The following MTIF2 variants were observed in gnomAD, a reference collection of about 807,000 sequenced individuals.
MTIF2 encodes mitochondrial translational initiation factor 2, also known as translation initiation factor IF-2, mitochondrial.
A neutral mutation model predicts 83.5 loss-of-function variants in MTIF2; 71 were observed. That is an observed-to-expected ratio of 0.85 (90% CI 0.70 to 1.04). The LOEUF (loss-of-function observed/expected upper bound fraction) is 1.04, where lower values mean the gene tolerates loss of function less well. MTIF2 is among the 50% of genes least tolerant of loss of function. MTIF2 has a pLI of 0.00. For missense variants in MTIF2, 957 were observed against 846.5 expected, an observed-to-expected ratio of 1.13 and a Z score of -1.62; for synonymous variants, 319 against 287.1, an observed-to-expected ratio of 1.11 and a Z score of -1.12.
At chr2:55,241,839 G>A (rs1251179742) in intron 13 of MTIF2, among the ~76,000 whole-genome samples, 6 of 151,658 alleles carry the variant, frequency 4.0e-5, no homozygotes, top group Non-Finnish European at 8.8e-5. Context: ...GCAAAACTCC[G>A]TCTCAAGAAA....
At chr2:55,253,132 G>A (rs1677231201) in intron 7 of MTIF2, among the ~76,000 whole-genome samples, 1 of 152,164 alleles carries the variant, frequency 6.6e-6, no homozygotes, top group South Asian at 2.1e-4. Flanking sequence ...ACTCGAAGAA[G>A]TATCGGCTTC....
At chr2:55,245,657 T>G (rs1219189100) in intron 10 of MTIF2, among the ~76,000 whole-genome samples, 2 of 152,188 alleles carry the variant, frequency 1.3e-5, no homozygotes, top group African/African-American at 4.8e-5. Flanking sequence ...AACACGTCTG[T>G]TGCACAACAA....
chr2:55,265,111 C>T (rs951687415), intron 3 of MTIF2, among the ~76,000 whole-genome samples: 6 of 151,658 alleles, frequency 4.0e-5, no homozygotes, highest in African/African-American at 9.7e-5. Context: ...GACATGGTGG[C>T]GGGCGCCTGC....
chr2:55,249,369 T>C lies in MTIF2; in HGVS notation c.981+26A>G, dbSNP rs758450375. 9.9e-6 allele frequency: 16 copies of C among 1,611,912 alleles called. No homozygotes were observed. The South Asian group carries it at 1.7e-4, about 17-fold the overall frequency. On this transcript the variant is annotated intron_variant, in intron 9 of 15. Transcript: ENST00000263629. ...TATGTACAGCATTCCCATCCAGGCA[T>C]ATTTATATGAGGTCCCCGCATTTAC...
rs1209722675 is a variant in MTIF2, at chr2:55,243,528, T to C, written c.1452A>G (p.Leu484=). The stretch of plus-strand genomic sequence containing the variant: ...GTAGAATTGATCTCTTCTTCCACAG[T>C]AGATGGCCATACTTCTCACGGGCTT... ...HQKAREKYGH[L]LWKKRSILRF... Residue 484 remains leucine (L), a synonymous_variant, in exon 12 of 16, where the codon CTA becomes CTG. Transcript: ENST00000263629. 13 of 1,614,148 alleles carry C rather than the reference T, an allele frequency of 8.1e-6. No individual in the cohort carries two copies. Among genetic ancestry groups the C allele is most frequent in the Non-Finnish European group, 1.1e-5 (13 of 1,180,006 alleles).
At chr2:55,241,450 A>C (rs994786209) in intron 13 of MTIF2, among the ~76,000 whole-genome samples, 5 of 151,810 alleles carry the variant, frequency 3.3e-5, no homozygotes, top group Admixed American at 2.6e-4. Context: ...AAAGAAAAAA[A>C]AGCAAAACAC....
chr2:55,244,714 A>C lies in MTIF2; in HGVS notation c.1107-481T>G, dbSNP rs148049349. 2.1e-3 allele frequency among the ~76,000 whole-genome samples: 317 copies of C among 152,128 alleles called. 6 individuals carry two copies. The East Asian group carries it at 0.056, about 27-fold the overall frequency. Reference sequence around the variant, plus strand: ...TGGATTGCTTGAGCTCACGAGTTTGAGACCAGCTAGGGCAACATAGCAGGA... The same window carrying C: ...TGGATTGCTTGAGCTCACGAGTTTGCGACCAGCTAGGGCAACATAGCAGGA... On this transcript the variant is annotated intron_variant, in intron 10 of 15. Transcript: ENST00000263629.
Position 55,243,583 on chromosome 2 carries a change from T to G in MTIF2, c.1397A>C (p.Lys466Thr). 1 of 1,614,140 alleles carries G rather than the reference T, an allele frequency of 6.2e-7. No homozygotes were observed. Among genetic ancestry groups the G allele is most frequent in the Admixed American group, 1.7e-5 (1 of 60,024 alleles). ...ATGTGCTTCTTTGTGTTCCTTTCGC[T>G]TTTCTTCTATTATTTTCAGATCCTC... ...GQEDLKIIEE[K>T]RKEHKEAHQK... Residue 466 changes from lysine to threonine, a missense_variant, in exon 12 of 16, where the codon AAG becomes ACG. Around this residue, in one of 3 missense-constraint regions of MTIF2, gnomAD observed 733 missense variants for 648.7 expected, o/e 1.13. Coordinates refer to ENST00000263629, the MANE Select transcript of MTIF2 (RefSeq NM_002453.3).
intron 5 of MTIF2, among the ~76,000 whole-genome samples, chr2:55,256,743 T>C (rs1180257327): frequency 1.3e-5 from 2 of 151,988 alleles, no homozygotes; most frequent in Non-Finnish European, 2.9e-5. Flanking sequence ...CTTACACTGT[T>C]GCCCAGGCTA....
intron 8 of MTIF2, among the ~76,000 whole-genome samples, chr2:55,250,587 C>T (rs936195733): frequency 4.6e-5 from 7 of 152,126 alleles, no homozygotes; most frequent in African/African-American, 1.7e-4. Flanking sequence ...TTTATTCATA[C>T]ACCTAGGTCA....
chr2:55,267,064 C>T (rs560838112), intron 3 of MTIF2, among the ~76,000 whole-genome samples: 2 of 152,046 alleles, frequency 1.3e-5, no homozygotes, highest in East Asian at 3.9e-4. Context: ...GCCACCACGC[C>T]TAGCCTAAAT....
intron 10 of MTIF2, among the ~76,000 whole-genome samples, chr2:55,244,717 C>A (rs967195661): frequency 6.6e-6 from 1 of 151,812 alleles, no homozygotes; most frequent in African/African-American, 2.4e-5. Context: ...GAGTTTGAGA[C>A]CAGCTAGGGC....
Position 55,243,566 on chromosome 2 carries a change from CTTT to C in MTIF2, c.1411_1413del (p.Lys471del). The C allele has an allele frequency of 1.2e-6, 2 of 1,614,090 alleles. No homozygotes were observed. The highest frequency in any genetic ancestry group is 1.7e-6 in the Non-Finnish European group (2 of 1,179,998). On this transcript the variant is annotated inframe_deletion, in exon 12 of 16. Coordinates refer to ENST00000263629, the MANE Select transcript of MTIF2 (RefSeq NM_002453.3). ...TTCTCACGGGCTTTCTGATGTGCTTCTTTGTGTTCCTTTCGCTTTTCTTCTATT... is the reference window on the plus strand; with the variant it reads ...TTCTCACGGGCTTTCTGATGTGCTTCGTGTTCCTTTCGCTTTTCTTCTATT...
chr2:55,245,140 T>A (rs1676599810), intron 10 of MTIF2, among the ~76,000 whole-genome samples: 2 of 152,178 alleles, frequency 1.3e-5, no homozygotes, highest in Admixed American at 6.5e-5. Flanking sequence ...CTCTAGAACA[T>A]TATACAAAAT....
intron 9 of MTIF2, among the ~76,000 whole-genome samples, chr2:55,248,567 C>G (rs908269458): frequency 2.0e-5 from 3 of 152,134 alleles, no homozygotes; most frequent in African/African-American, 7.2e-5. Context: ...TTATAAGAGG[C>G]AAGCACTGAG....
chr2:55,246,368 C>T lies in MTIF2; in HGVS notation c.1075G>A (p.Val359Ile), dbSNP rs1676701153. ...ADPNGPVEGT[V>I]IESFTDKGRG... ...CCTTTGTCTGTGAAAGACTCTATTACTGTTCCTTCCACTGGACCATTGGGA... is the reference window on the plus strand; with the variant it reads ...CCTTTGTCTGTGAAAGACTCTATTATTGTTCCTTCCACTGGACCATTGGGA... The change falls in exon 10 of 16, where the codon GTA (valine) becomes ATA (isoleucine). Residue 359 changes from valine (V) to isoleucine (I), a missense_variant. Val to Ile is a conservative substitution (Grantham distance 29, BLOSUM62 3). Around this residue, in one of 3 missense-constraint regions of MTIF2, gnomAD observed 733 missense variants for 648.7 expected, o/e 1.13. Coordinates refer to ENST00000263629, the MANE Select transcript of MTIF2 (RefSeq NM_002453.3). The T allele has an allele frequency of 6.2e-7, 1 of 1,613,806 alleles. No homozygotes were observed. Among genetic ancestry groups the T allele is most frequent in the South Asian group, 1.1e-5 (1 of 91,080 alleles).
intron 5 of MTIF2, among the ~76,000 whole-genome samples, chr2:55,260,601 C>G (rs957703711): frequency 1.1e-4 from 16 of 152,152 alleles, no homozygotes; most frequent in African/African-American, 3.6e-4. Flanking sequence ...TCCATAGGTT[C>G]AAATATTCCC....
rs773514870 is a variant in MTIF2 at position 55,243,096 on chromosome 2, G to T, written c.1565-16C>A. The T allele has an allele frequency of 6.3e-7, 1 of 1,575,006 alleles. No individual in the cohort carries two copies. The highest frequency in any genetic ancestry group is 2.3e-5 in the East Asian group (1 of 44,278). The stretch of plus-strand genomic sequence containing the variant: ...TCAACATCACCTAAATACAGAAAAA[G>T]TTTATAATTGTTGCTTTTAAGAGTT... On this transcript the variant is annotated splice_polypyrimidine_tract_variant and intron_variant, in intron 12 of 15. Transcript: ENST00000263629.
intron 5 of MTIF2, among the ~76,000 whole-genome samples, chr2:55,259,017 T>C (rs1270555589): frequency 1.3e-5 from 2 of 152,096 alleles, no homozygotes; most frequent in African/African-American, 4.8e-5. Flanking sequence ...TTTCTAATAA[T>C]GGTAACAATA....
Sources: gnomAD v4.1 joint callset for allele counts (sites outside exome capture counted in the v4.1 genomes callset) on GRCh38, gnomAD v4.1.1 for gene constraint, gnomAD v4.1.1 regional missense constraint, MANE v1.5 for transcripts, NCBI Gene and HGNC (gene_info 2026-07-23, HGNC 2026-07-21) for gene names.